THEMIS: variants seen among roughly 807,000 people sequenced by gnomAD.
The protein encoded by THEMIS is protein THEMIS.
In THEMIS, 37 loss-of-function variants were observed where a neutral mutation model predicts 52.6. The observed-to-expected ratio is 0.70, with a 90% CI of 0.54 to 0.93. THEMIS has a LOEUF of 0.93. Ranked by LOEUF, THEMIS falls within the 40% of genes least tolerant of loss-of-function variation. The pLI is 0.00. For synonymous variants in THEMIS, 292 were observed against 272.7 expected (o/e 1.07, Z -0.70); for missense variants, 808 against 763.1 (o/e 1.06, Z -0.69).
chr6:127,793,610 C>G (rs566871024), intron 4 of THEMIS, among the ~76,000 whole-genome samples: 1 of 152,106 alleles, frequency 6.6e-6, no homozygotes, highest in African/African-American at 2.4e-5. Context: ...CTCAAAATAC[C>G]GCAGGCTCAC....
At chr6:127,891,929 T>A (rs893241833) in intron 1 of THEMIS, among the ~76,000 whole-genome samples, 1 of 152,196 alleles carries the variant, frequency 6.6e-6, no homozygotes, top group African/African-American at 2.4e-5. Flanking sequence ...AAGCTCCTTT[T>A]GGTCCCCAGA....
At chr6:127,834,618 T>A (rs1437657802) in intron 2 of THEMIS, among the ~76,000 whole-genome samples, 1 of 151,904 alleles carries the variant, frequency 6.6e-6, no homozygotes, top group Non-Finnish European at 1.5e-5. Context: ...ATAATTGAAT[T>A]GAAACTGTCT....
chr6:127,907,523 C>T (rs993437328), intron 1 of THEMIS, among the ~76,000 whole-genome samples: 2 of 151,602 alleles, frequency 1.3e-5, no homozygotes, highest in Non-Finnish European at 2.9e-5. Context: ...ACTTGGCTCA[C>T]ATGTATATGT....
rs1778612515 is a variant in THEMIS at position 127,829,283 on chromosome 6, C to T, written c.709+193G>A. Among the ~76,000 whole-genome samples the T allele has an allele frequency of 2.0e-5, 3 of 152,162 alleles. No individual in the cohort carries two copies. The South Asian group carries it at 6.2e-4, about 31-fold the overall frequency. On this transcript the variant is annotated intron_variant, in intron 3 of 5. Coordinates refer to ENST00000368248, the MANE Select transcript of THEMIS (RefSeq NM_001010923.3). ...ATAGCACCATACAATTTACAACATACTTGTATATTCATTATTCAATATGAT... is the reference window on the plus strand; with the variant it reads ...ATAGCACCATACAATTTACAACATATTTGTATATTCATTATTCAATATGAT...
chr6:127,905,689 C>T (rs1294341644), upstream of THEMIS, among the ~76,000 whole-genome samples: 2 of 151,792 alleles, frequency 1.3e-5, no homozygotes, highest in Non-Finnish European at 2.9e-5. Flanking sequence ...AGCAGTAATG[C>T]AAAAGCAAAA....
chr6:127,801,022 G>C (rs936905194), intron 4 of THEMIS, among the ~76,000 whole-genome samples: 1 of 152,138 alleles, frequency 6.6e-6, no homozygotes. Flanking sequence ...TGCATAATAT[G>C]ATTAGATCAA....
At chr6:127,906,748 A>C (rs1781278821) in intron 1 of THEMIS, among the ~76,000 whole-genome samples, 1 of 151,998 alleles carries the variant, frequency 6.6e-6, no homozygotes, top group Admixed American at 6.6e-5. Context: ...TAAAGAACAG[A>C]GAAGGACTTG....
intron 3 of THEMIS, among the ~76,000 whole-genome samples, chr6:127,826,170 T>G (rs973971574): frequency 6.6e-6 from 1 of 152,170 alleles, no homozygotes; most frequent in Non-Finnish European, 1.5e-5. Context: ...GAAAAATATT[T>G]AAAGGCATTA....
chr6:127,719,895 C>CT, intron 4 of THEMIS, 72 bp from the exon 5 acceptor site: 1 of 1,550,606 alleles, frequency 6.4e-7, no homozygotes, highest in Non-Finnish European at 8.8e-7. Flanking sequence ...AAAGATTTAT[C>CT]ACATGGCAAT....
intron 4 of THEMIS, among the ~76,000 whole-genome samples, chr6:127,786,326 T>C (rs1776947512): frequency 6.6e-6 from 1 of 152,188 alleles, no homozygotes; most frequent in Non-Finnish European, 1.5e-5. Context: ...TGTAATGGAA[T>C]GTAAAACATT....
intron 4 of THEMIS, among the ~76,000 whole-genome samples, chr6:127,740,562 G>T (rs1011900881): frequency 6.6e-6 from 1 of 152,160 alleles, no homozygotes; most frequent in Non-Finnish European, 1.5e-5. Context: ...TCATCAAAAA[G>T]GGTGACCATA....
At chr6:127,797,536 T>C (rs538859374) in intron 4 of THEMIS, among the ~76,000 whole-genome samples, 237 of 152,294 alleles carry the variant, frequency 1.6e-3, no homozygotes, top group Non-Finnish European at 2.9e-3. Flanking sequence ...CACAGCCTCT[T>C]ACCTTTAGAT....
intron 5 of THEMIS, among the ~76,000 whole-genome samples, chr6:127,716,826 G>A (rs2114474218): frequency 6.6e-6 from 1 of 152,016 alleles, no homozygotes; most frequent in South Asian, 2.1e-4. Context: ...AGTAAGATGG[G>A]GAAAGAGTCC....
intron 2 of THEMIS, among the ~76,000 whole-genome samples, chr6:127,849,161 A>G (rs1779331207): frequency 1.3e-5 from 2 of 152,002 alleles, no homozygotes; most frequent in South Asian, 4.2e-4. Flanking sequence ...CAGTTTTCCC[A>G]GCACCATTTA....
intron 2 of THEMIS, among the ~76,000 whole-genome samples, chr6:127,843,634 G>A (rs1779121968): frequency 6.6e-6 from 1 of 151,874 alleles, no homozygotes; most frequent in Non-Finnish European, 1.5e-5. Flanking sequence ...CCTCCAAGAT[G>A]GTGCCCAGTT....
intron 4 of THEMIS, among the ~76,000 whole-genome samples, chr6:127,766,518 T>C (rs1776204981): frequency 6.6e-6 from 1 of 152,162 alleles, no homozygotes; most frequent in African/African-American, 2.4e-5. Context: ...ACAGGAATAC[T>C]TTCTGAGAAA....
At chr6:127,885,571 G>GA in intron 1 of THEMIS, among the ~76,000 whole-genome samples, 1 of 106,732 alleles carries the variant, frequency 9.4e-6, no homozygotes, top group African/African-American at 4.1e-5. Flanking sequence ...AAGGAAAGAA[G>GA]AAGAAAGAAA....
intron 1 of THEMIS, among the ~76,000 whole-genome samples, chr6:127,886,932 A>G (rs1409089241): frequency 6.6e-6 from 1 of 152,070 alleles, no homozygotes; most frequent in Non-Finnish European, 1.5e-5. Flanking sequence ...GGGACCCCCA[A>G]CAGAAAAACA....
At chr6:127,758,303 A>T (rs1179856695) in intron 4 of THEMIS, among the ~76,000 whole-genome samples, 1 of 150,396 alleles carries the variant, frequency 6.6e-6, no homozygotes, top group Non-Finnish European at 1.5e-5. Flanking sequence ...CAATTTCTAC[A>T]CTTAAACCCA....
Sources: allele counts gnomAD v4.1 joint callset (sites outside exome capture counted in the v4.1 genomes callset), GRCh38; gene constraint gnomAD v4.1.1; transcripts MANE v1.5; gene names NCBI Gene and HGNC (gene_info 2026-07-23, HGNC 2026-07-21).